EIF4G3: variants seen among roughly 807,000 people sequenced by gnomAD.
EIF4G3 encodes eukaryotic translation initiation factor 4 gamma 3.
A neutral mutation model predicts 186.4 loss-of-function variants in EIF4G3; 34 were observed. The observed-to-expected ratio is 0.18, with a 90% CI of 0.14 to 0.24. The LOEUF (loss-of-function observed/expected upper bound fraction) is 0.24. EIF4G3 is among the 10% of genes least tolerant of loss of function. The pLI is 1.00. For synonymous variants in EIF4G3, 673 were observed against 679.5 expected, an observed-to-expected ratio of 0.99 and a Z score of 0.15; for missense variants, 1,536 against 1,948.5, an observed-to-expected ratio of 0.79 and a Z score of 3.99.
At chr1:20,812,726 C>T (rs1238455554) in intron 35 of EIF4G3, among the ~76,000 whole-genome samples, 1 of 152,112 alleles carries the variant, frequency 6.6e-6, no homozygotes, top group Non-Finnish European at 1.5e-5. Context: ...AAGAACAGGA[C>T]AAACTGTTGA....
chr1:20,815,764 G>A (rs868682645), intron 34 of EIF4G3, among the ~76,000 whole-genome samples: 278 of 127,966 alleles, frequency 2.2e-3, no homozygotes, highest in African/African-American at 4.6e-3. Context: ...CAGTTGCCCC[G>A]TCCAGGAGGG....
chr1:20,881,004 T>A (rs7531883), intron 19 of EIF4G3, among the ~76,000 whole-genome samples: 1 of 152,082 alleles, frequency 6.6e-6, no homozygotes, highest in East Asian at 1.9e-4. Flanking sequence ...CACACACAAA[T>A]ACAAAACCCT....
chr1:20,848,026 G>A (rs2071790336), intron 29 of EIF4G3: 2 of 338,976 alleles, frequency 5.9e-6, no homozygotes, highest in Admixed American at 8.3e-5. Context: ...GAATGCAGTG[G>A]ATGATCTCGG....
chr1:20,855,292 T>C (rs1285441000), intron 25 of EIF4G3, among the ~76,000 whole-genome samples: 2 of 149,278 alleles, frequency 1.3e-5, no homozygotes, highest in Non-Finnish European at 3.0e-5. Flanking sequence ...CAAAAAACTG[T>C]TTGGTCTAGA....
In EIF4G3 at chr1:20,853,635, G is replaced by A; in HGVS notation, c.3476C>T (p.Ala1159Val). The change falls in exon 27 of 37, where the codon GCC becomes GTC. Residue 1159 changes from alanine (A) to valine (V), a missense_variant. By Grantham distance (64) the Ala-to-Val change is moderately conservative. Transcript: ENST00000602326. The stretch of plus-strand genomic sequence containing the variant: ...CCCTGAGGGTGCTGGAGGTTGCAGG[G>A]CAGAGAATCTGTTTAAACTGGAAGC... ...SSASSLNRFSALQPPAPSGST... is the reference protein window; with the variant it reads ...SSASSLNRFSVLQPPAPSGST... The A allele has an allele frequency of 6.2e-7, 1 of 1,613,944 alleles. No homozygotes were observed. The highest frequency in any genetic ancestry group is 1.1e-5 in the South Asian group (1 of 91,064).
chr1:21,092,966 CTTAAATG>C (rs1325549297), intron 2 of EIF4G3, among the ~76,000 whole-genome samples: 1 of 152,184 alleles, frequency 6.6e-6, no homozygotes, highest in Admixed American at 6.5e-5. Flanking sequence ...GGATTAAAGA[CTTAAATG>C]TTAGATCTAA....
At chr1:20,932,987 A>G (rs2095383864) in intron 14 of EIF4G3, among the ~76,000 whole-genome samples, 1 of 152,166 alleles carries the variant, frequency 6.6e-6, no homozygotes, top group African/African-American at 2.4e-5. Flanking sequence ...GACTCCTACT[A>G]TATGGCGCTT....
Position 21,176,247 on chromosome 1 carries a change from G to C in EIF4G3, c.-344C>G. 1 of 375,396 alleles carries C rather than the reference G, an allele frequency of 2.7e-6. No individual in the cohort carries two copies. The highest frequency in any genetic ancestry group is 4.6e-6 in the Non-Finnish European group (1 of 216,652). 23.3% of individuals were successfully genotyped at this position (375,396 alleles called of 1,614,324 possible). A position where few individuals can be genotyped will look rare whatever the true frequency, so the allele number is the denominator to read the frequency against. On this transcript the variant is annotated 5_prime_UTR_variant, in exon 2 of 37. Transcript: ENST00000602326. ...GGGGACCGCTGCCGCCGCCGCCGCC[G>C]CCGCCGCCGCCGCCGCCGCTGCTGC...
At chr1:21,149,393 A>AG (rs1301728372) in intron 2 of EIF4G3, among the ~76,000 whole-genome samples, 3 of 152,080 alleles carry the variant, frequency 2.0e-5, no homozygotes, top group South Asian at 2.1e-4. Context: ...TTTCTAGAGA[A>AG]GGGGGGCTTT....
rs1404199766 is a variant in EIF4G3, at chr1:20,817,028, C to T, written c.4515+364G>A. Among the ~76,000 whole-genome samples, 10 of 143,158 alleles carry T rather than the reference C, an allele frequency of 7.0e-5. No individual in the cohort carries two copies. The Admixed American group carries it at 7.1e-4, about 10-fold the overall frequency. The allele number at this position is 143,158 out of a possible 152,430, so 93.9% of individuals were successfully genotyped here. On this transcript the variant is annotated intron_variant, in intron 34 of 36. Transcript: ENST00000602326. The stretch of plus-strand genomic sequence containing the variant: ...GCGGTGCAAGATGTGCTTTGTTAAA[C>T]AGATGCTTGAAGGCAGCATGCTCGT...
intron 3 of EIF4G3, among the ~76,000 whole-genome samples, chr1:21,070,544 T>C (rs1194006403): frequency 1.3e-5 from 2 of 152,246 alleles, no homozygotes; most frequent in African/African-American, 2.4e-5. Context: ...AATGTTTAAG[T>C]AGTACTTCAT....
In EIF4G3 at chr1:20,808,784, G is replaced by A. The variant is rs557015157; in HGVS notation, c.4745-1284C>T. On this transcript the variant is annotated intron_variant, in intron 36 of 36. Coordinates refer to ENST00000602326, the MANE Select transcript of EIF4G3 (RefSeq NM_001391906.1). ...ACACCTGTTATTTACTGTTTTAAAC[G>A]TCCAAACTATCCGTGTGATTTTAAT... Among the ~76,000 whole-genome samples, 21 of 152,172 alleles carry A rather than the reference G, an allele frequency of 1.4e-4. No individual in the cohort carries two copies. The South Asian group carries it at 2.5e-3, about 18-fold the overall frequency.
At chr1:21,077,597 C>G (rs1259670966) in intron 3 of EIF4G3, among the ~76,000 whole-genome samples, 1 of 145,770 alleles carries the variant, frequency 6.9e-6, no homozygotes, top group Non-Finnish European at 1.5e-5. Flanking sequence ...AAAAAAAAAA[C>G]GGGCCGGGCG....
intron 3 of EIF4G3, among the ~76,000 whole-genome samples, chr1:21,078,264 C>T (rs2095650674): frequency 6.6e-6 from 1 of 152,070 alleles, no homozygotes; most frequent in South Asian, 2.1e-4. Flanking sequence ...GTCATATATA[C>T]ACAATGAAAT....
At chr1:20,922,511 G>A (rs991196625) in intron 14 of EIF4G3, among the ~76,000 whole-genome samples, 5 of 152,042 alleles carry the variant, frequency 3.3e-5, no homozygotes, top group Admixed American at 6.6e-5. Flanking sequence ...TGGTCAGGCT[G>A]GTCTCAAACT....
intron 2 of EIF4G3, among the ~76,000 whole-genome samples, chr1:21,145,296 G>A (rs1192043003): frequency 1.3e-5 from 2 of 151,314 alleles, no homozygotes; most frequent in Middle Eastern, 3.4e-3. Context: ...ACTACTTCTA[G>A]TAGAATCAGA....
intron 16 of EIF4G3, among the ~76,000 whole-genome samples, chr1:20,896,214 T>TG (rs2087944362): frequency 6.6e-6 from 1 of 152,004 alleles, no homozygotes; most frequent in African/African-American, 2.4e-5. Context: ...CCCAGTACTT[T>TG]GGGAGGCCAA....
In EIF4G3 at chr1:20,810,680, C is replaced by G; in HGVS notation, c.4744+58G>C. 6.4e-7 allele frequency: 1 copy of G among 1,574,248 alleles called. No individual in the cohort carries two copies. Among genetic ancestry groups the G allele is most frequent in the Non-Finnish European group, 8.7e-7 (1 of 1,146,890 alleles). ...TCGAACCCTAAATCATCTCTAAGTC[C>G]TGGCTTGGATAAATCTCACTCATTG... On this transcript the variant is annotated intron_variant, in intron 36 of 36. Transcript: ENST00000602326. This position sits in a 1 kb window ranked among gnomAD's most constrained non-coding sequence, Gnocchi z 4.1.
At chr1:21,125,197 G>A (rs76347689) in intron 2 of EIF4G3, among the ~76,000 whole-genome samples, 21 of 152,226 alleles carry the variant, frequency 1.4e-4, no homozygotes, top group Non-Finnish European at 2.4e-4. Context: ...TGGGTTCTAC[G>A]TATGCAGCAT....
Sources: gnomAD v4.1 joint callset for allele counts (sites outside exome capture counted in the v4.1 genomes callset) on GRCh38, gnomAD v4.1.1 for gene constraint, Gnocchi (gnomAD v3.1) non-coding constraint, MANE v1.5 for transcripts, NCBI Gene and HGNC (gene_info 2026-07-23, HGNC 2026-07-21) for gene names.